The following PDE10A variants were observed in gnomAD, a reference collection of about 807,000 sequenced individuals.
PDE10A encodes the protein phosphodiesterase 10A, also known as cAMP and cAMP-inhibited cGMP 3',5'-cyclic phosphodiesterase 10A.
Under a neutral mutation model 97.7 loss-of-function variants are expected in PDE10A, and 39 were observed. That is an observed-to-expected ratio of 0.40 (90% CI 0.31 to 0.52). The LOEUF (loss-of-function observed/expected upper bound fraction) is 0.52. Among genes scored for constraint, PDE10A ranks in the 20% least tolerant of loss-of-function variants. The pLI is 0.56. For synonymous variants in PDE10A, 371 were observed against 376.8 expected, an observed-to-expected ratio of 0.98 and a Z score of 0.18; for missense variants, 731 against 1,047.8, an observed-to-expected ratio of 0.70 and a Z score of 4.17.
intron 1 of PDE10A, among the ~76,000 whole-genome samples, chr6:165,915,047 C>T (rs1169370684): frequency 1.3e-5 from 2 of 152,210 alleles, no homozygotes; most frequent in African/African-American, 4.8e-5. Context: ...AGCATTTAGG[C>T]ACTTTGTAAT....
intron 1 of PDE10A, among the ~76,000 whole-genome samples, chr6:165,571,825 A>C (rs1451692486): frequency 1.3e-5 from 2 of 152,210 alleles, no homozygotes; most frequent in East Asian, 1.9e-4. Context: ...GTTCCACTTC[A>C]GATCATTCAT....
chr6:165,789,830 G>GA (rs1174705075), intron 1 of PDE10A, among the ~76,000 whole-genome samples: 4 of 151,756 alleles, frequency 2.6e-5, no homozygotes, highest in Non-Finnish European at 2.9e-5. Flanking sequence ...TGCATATATG[G>GA]AAAAAATATA....
chr6:165,359,892 T>C lies in PDE10A; in HGVS notation c.2784-16390A>G, dbSNP rs146215113. Among the ~76,000 whole-genome samples the C allele has an allele frequency of 2.8e-3, 423 of 152,248 alleles. 1 individual carries two copies. Among genetic ancestry groups the C allele is most frequent in the African/African-American group, 9.6e-3 (400 of 41,552 alleles). ...GTGCACACAGACAGGGCACACCAGA[T>C]GTGGCCTGAGGCTTTAGAGTGCCAA... On this transcript the variant is annotated intron_variant, in intron 18 of 21. Coordinates refer to ENST00000539869, the MANE Select transcript of PDE10A (RefSeq NM_001385079.1).
chr6:165,332,901 G>A lies in PDE10A; in HGVS notation c.*124C>T. 4.4e-6 allele frequency: 3 copies of A among 685,432 alleles called. No homozygotes were observed. Among genetic ancestry groups the A allele is most frequent in the Middle Eastern group, 4.1e-4 (1 of 2,466 alleles). The allele number at this position is 685,432 out of a possible 1,614,324, so 42.5% of individuals were successfully genotyped here. A position where few individuals can be genotyped will look rare whatever the true frequency, so the allele number is the denominator to read the frequency against. ...CTTATTTATTTGATGTTACCTTCTT[G>A]AAGAGGTTTGCACCCCAGTTACCAG... On this transcript the variant is annotated 3_prime_UTR_variant, in exon 22 of 22. Transcript: ENST00000539869.
chr6:165,883,637 CAGGA>C (rs1414225909), intron 1 of PDE10A, among the ~76,000 whole-genome samples: 1 of 152,066 alleles, frequency 6.6e-6, no homozygotes, highest in East Asian at 1.9e-4. Context: ...TGCATTCAGG[CAGGA>C]AGGCTGGCTG....
At chr6:165,479,867 G>T (rs1282460504) in intron 3 of PDE10A, among the ~76,000 whole-genome samples, 1 of 152,102 alleles carries the variant, frequency 6.6e-6, no homozygotes, top group Admixed American at 6.5e-5. Context: ...AAAACCTACA[G>T]GTCTGACTTC....
chr6:165,418,769 T>C lies in PDE10A; in HGVS notation c.1662A>G (p.Ala554=). The C allele has an allele frequency of 6.2e-7, 1 of 1,613,190 alleles. No individual in the cohort carries two copies. The highest frequency in any genetic ancestry group is 8.5e-7 in the Non-Finnish European group (1 of 1,179,668). Residue 554 remains alanine (A), a synonymous_variant, in exon 11 of 22, where the codon GCA becomes GCG. Coordinates refer to ENST00000539869, the MANE Select transcript of PDE10A (RefSeq NM_001385079.1). This position sits in a 1 kb window ranked among gnomAD's most constrained non-coding sequence, Gnocchi z 4.8. ...AACGATCGGCATTCACCAGGTTTTT[T>C]GCATATATCTAAAGACAAATGACAA... ...DSLLEHIMIY[A]KNLVNADRCA...
At chr6:165,961,002 A>C (rs1784342417) in intron 1 of PDE10A, among the ~76,000 whole-genome samples, 1 of 152,064 alleles carries the variant, frequency 6.6e-6, no homozygotes, top group African/African-American at 2.4e-5. Flanking sequence ...GGCAGAACGC[A>C]TAAGGGGACC....
chr6:165,524,311 G>A (rs909922041), intron 2 of PDE10A, among the ~76,000 whole-genome samples: 9 of 152,208 alleles, frequency 5.9e-5, no homozygotes, highest in South Asian at 2.1e-4. Context: ...AAGTTCTTTC[G>A]TTGGTTTTGG....
chr6:165,841,670 C>T (rs1583176337), intron 1 of PDE10A, among the ~76,000 whole-genome samples: 1 of 152,220 alleles, frequency 6.6e-6, no homozygotes, highest in African/African-American at 2.4e-5. Context: ...CATCCTGGCT[C>T]TGGGGTGGAG....
rs1177875155 is a variant in PDE10A at position 165,814,389 on chromosome 6, G to T, written c.-615+173140C>A. Among the ~76,000 whole-genome samples, 5 of 152,228 alleles carry T rather than the reference G, an allele frequency of 3.3e-5. No individual in the cohort carries two copies. In the East Asian group the frequency reaches 9.6e-4, roughly 29 times the overall value. On this transcript the variant is annotated intron_variant, in intron 1 of 19. Coordinates refer to the PDE10A transcript ENST00000366882. ...CACAGGGCCATTATGAACATCACGT[G>T]AAATAAGAGATAAGCAAACCTCCAA...
In PDE10A at chr6:165,400,377, G is replaced by T. The variant is rs79603695; in HGVS notation, c.2077-3918C>A. On this transcript the variant is annotated intron_variant, in intron 13 of 21. Transcript: ENST00000539869. ...AGTTTAAAACTTTTGCTCTTAGAAA[G>T]AAACCATTAAGAGAATGAAAAGACA... is the stretch of plus-strand genomic sequence containing the variant. Among the ~76,000 whole-genome samples, 890 of 152,182 alleles carry T rather than the reference G, an allele frequency of 5.8e-3. 10 individuals are homozygous for T. Among genetic ancestry groups the T allele is most frequent in the African/African-American group, 0.02 (842 of 41,542 alleles).
intron 1 of PDE10A, among the ~76,000 whole-genome samples, chr6:165,733,968 T>G (rs1290174829): frequency 2.6e-5 from 4 of 152,130 alleles, no homozygotes; most frequent in African/African-American, 9.7e-5. Flanking sequence ...TCAGACAATT[T>G]AAAATTTTTG....
At position 165,418,687 on chromosome 6, in the gene PDE10A, T is replaced by C. The variant is rs753537418; in HGVS notation, c.1744A>G (p.Ile582Val). ...GGTTTTCCTTCCTTTTCCTCTCCAA[T>C]ATCAAAAAGGTCTGAATATAACTCC... The part of the protein sequence containing the change: ...NKELYSDLFD[I>V]GEEKEGKPVF... The change falls in exon 11 of 22, where the codon ATT becomes GTT. Residue 582 changes from isoleucine to valine, a missense_variant. Physicochemically the swap from Ile to Val is conservative, Grantham distance 29 (BLOSUM62 3). This residue lies in a region of PDE10A where 108 missense variants were observed against 199.8 expected (regional missense o/e 0.54). Transcript: ENST00000539869. The surrounding 1 kb of genome is among the most constrained non-coding windows in gnomAD (Gnocchi z 4.8). The C allele has an allele frequency of 6.2e-7, 1 of 1,613,380 alleles. No homozygotes were observed. Among genetic ancestry groups the C allele is most frequent in the Non-Finnish European group, 8.5e-7 (1 of 1,179,508 alleles).
intron 1 of PDE10A, among the ~76,000 whole-genome samples, chr6:165,685,968 A>C (rs1054436110): frequency 2.6e-5 from 4 of 152,186 alleles, no homozygotes; most frequent in African/African-American, 9.7e-5. Flanking sequence ...ATTAATAATA[A>C]AGAAATTACG....
chr6:165,394,193 T>C (rs1211215578), intron 15 of PDE10A, among the ~76,000 whole-genome samples: 2 of 152,078 alleles, frequency 1.3e-5, no homozygotes, highest in African/African-American at 4.8e-5. Context: ...CATTTGCTAT[T>C]TCTCCTAATG....
At chr6:165,620,382 T>C (rs1788069989) in intron 1 of PDE10A, among the ~76,000 whole-genome samples, 1 of 152,046 alleles carries the variant, frequency 6.6e-6, no homozygotes, top group Non-Finnish European at 1.5e-5. Context: ...GAGTAAAATA[T>C]CTTGAGACAT....
intron 21 of PDE10A, among the ~76,000 whole-genome samples, chr6:165,334,458 C>T (rs1202572868): frequency 3.9e-5 from 6 of 152,026 alleles, no homozygotes; most frequent in Non-Finnish European, 8.8e-5. Flanking sequence ...CGGGCACACG[C>T]CTCCATAGCG....
rs376466621 is a variant in PDE10A at position 165,373,491 on chromosome 6, G to C, written c.2783+5703C>G. Among the ~76,000 whole-genome samples the C allele has an allele frequency of 2.8e-3, 425 of 152,164 alleles. 2 individuals carry two copies. The highest frequency in any genetic ancestry group is 8.8e-3 in the African/African-American group (364 of 41,520). On this transcript the variant is annotated intron_variant, in intron 18 of 21. Transcript: ENST00000539869. Reference sequence around the variant, plus strand: ...AGACACATGAAAAAATGCTCATCATGACTGGCCATCAGAGAAATGCAAATC... The same window carrying C: ...AGACACATGAAAAAATGCTCATCATCACTGGCCATCAGAGAAATGCAAATC...
Sources: gnomAD v4.1 joint callset for allele counts (sites outside exome capture counted in the v4.1 genomes callset) on GRCh38, gnomAD v4.1.1 for gene constraint, gnomAD v4.1.1 regional missense constraint, Gnocchi (gnomAD v3.1) non-coding constraint, MANE v1.5 for transcripts, NCBI Gene and HGNC (gene_info 2026-07-23, HGNC 2026-07-21) for gene names.